Variants in MCTP1 observed in about 807,000 individuals in gnomAD.
MCTP1 encodes the protein multiple C2 and transmembrane domain containing 1, also known as multiple C2 and transmembrane domain-containing protein 1.
A neutral mutation model predicts 120.6 loss-of-function variants in MCTP1; 69 were observed. That is an observed-to-expected ratio of 0.57 (90% confidence interval 0.47 to 0.70). The LOEUF is 0.70. Among genes scored for constraint, MCTP1 ranks in the 30% least tolerant of loss-of-function variants. MCTP1 has a pLI of 0.00. For missense variants in MCTP1, 1,203 were observed against 1,248.8 expected (o/e 0.96, Z 0.55); for synonymous variants, 529 against 493.1 (o/e 1.07, Z -0.96).
rs376196774 is a variant in MCTP1 at position 95,030,933 on chromosome 5, G to C, written c.721-13449C>G. 1.5e-4 allele frequency among the ~76,000 whole-genome samples: 22 copies of C among 151,594 alleles called. 1 individual carries two copies. The East Asian group carries it at 2.3e-3, about 16-fold the overall frequency. ...CAAAGAAGCCAGAAAAACAATTCAG[G>C]ATATGAAAGACAAGATAGCTACATT... On this transcript the variant is annotated intron_variant, in intron 1 of 22. Transcript: ENST00000515393.
intron 5 of MCTP1, among the ~76,000 whole-genome samples, chr5:94,939,537 TAGC>T (rs778452271): frequency 2.8e-4 from 42 of 152,094 alleles, no homozygotes; most frequent in Admixed American, 5.9e-4. Flanking sequence ...CAGTTTCTCA[TAGC>T]AGCATGGTGT....
At position 94,703,975 on chromosome 5, in the gene MCTP1, A is replaced by G. The variant is rs1220477178; in HGVS notation, c.*3521T>C. 1 of 147,022 alleles carries G rather than the reference A, an allele frequency of 6.8e-6. No individual in the cohort carries two copies. Among genetic ancestry groups the G allele is most frequent in the African/African-American group, 2.5e-5 (1 of 39,820 alleles). 9.1% of individuals were successfully genotyped at this position (147,022 alleles called of 1,614,324 possible). On this transcript the variant is annotated 3_prime_UTR_variant, in exon 23 of 23. Transcript: ENST00000515393. ...AAAAGAAACTGAGGTACCAGAGGGT[A>G]ACATTTTCACCAAAAAAAAAAGAAA... is the stretch of plus-strand genomic sequence containing the variant.
At chr5:95,100,880 A>G (rs1177645422) in intron 1 of MCTP1, among the ~76,000 whole-genome samples, 3 of 152,216 alleles carry the variant, frequency 2.0e-5, no homozygotes, top group Admixed American at 6.5e-5. Flanking sequence ...AAACAAACTA[A>G]CAGTTTATCA....
At chr5:95,083,181 C>A (rs1243565068) in intron 1 of MCTP1, among the ~76,000 whole-genome samples, 7 of 151,930 alleles carry the variant, frequency 4.6e-5, no homozygotes, top group African/African-American at 1.5e-4. Flanking sequence ...TATGGTTTGG[C>A]AAATAATATA....
At chr5:95,207,492 C>T (rs1751758900) in intron 1 of MCTP1, among the ~76,000 whole-genome samples, 1 of 152,136 alleles carries the variant, frequency 6.6e-6, no homozygotes, top group African/African-American at 2.4e-5. Flanking sequence ...AATATCTCTG[C>T]TAAATCTGAT....
At chr5:95,120,786 G>A (rs945461388) in intron 1 of MCTP1, among the ~76,000 whole-genome samples, 5 of 152,148 alleles carry the variant, frequency 3.3e-5, no homozygotes, top group Non-Finnish European at 5.9e-5. Context: ...TGACAAGGAT[G>A]CTCATTTTCA....
At chr5:95,127,975 A>G (rs1758758607) in intron 1 of MCTP1, among the ~76,000 whole-genome samples, 1 of 152,194 alleles carries the variant, frequency 6.6e-6, no homozygotes, top group South Asian at 2.1e-4. Flanking sequence ...GCACCTTGTT[A>G]CAGAGGGCTT....
chr5:94,785,769 A>G (rs1777541751), intron 18 of MCTP1, among the ~76,000 whole-genome samples: 1 of 152,140 alleles, frequency 6.6e-6, no homozygotes. Flanking sequence ...AGTGTCTAAT[A>G]AAAGGTACAC....
intron 17 of MCTP1, among the ~76,000 whole-genome samples, chr5:94,866,711 A>G (rs1581106908): frequency 6.6e-6 from 1 of 151,820 alleles, no homozygotes; most frequent in Admixed American, 6.6e-5. Context: ...ATATCATGTA[A>G]ATGTACCTAA....
chr5:94,889,682 A>AT (rs1581204653), intron 11 of MCTP1, among the ~76,000 whole-genome samples: 2 of 152,096 alleles, frequency 1.3e-5, no homozygotes, highest in East Asian at 3.9e-4. Flanking sequence ...TTGATGCTGC[A>AT]TAAGGGGTTC....
intron 5 of MCTP1, among the ~76,000 whole-genome samples, chr5:94,934,743 T>TG (rs1240433172): frequency 3.3e-5 from 5 of 151,154 alleles, no homozygotes; most frequent in Middle Eastern, 3.4e-3. Context: ...AGAAGTTTTT[T>TG]TTTTTTTTTT....
At chr5:94,740,654 G>C (rs1765312106) in intron 19 of MCTP1, among the ~76,000 whole-genome samples, 1 of 152,168 alleles carries the variant, frequency 6.6e-6, no homozygotes, top group Non-Finnish European at 1.5e-5. Context: ...AAAGTACGTA[G>C]AGCTTCATTG....
chr5:95,187,661 A>C (rs1324464067), intron 1 of MCTP1, among the ~76,000 whole-genome samples: 1 of 152,104 alleles, frequency 6.6e-6, no homozygotes. Context: ...CAGTCTCCTA[A>C]AGTGCTGGGA....
At chr5:95,096,786 A>C (rs991630635) in intron 1 of MCTP1, among the ~76,000 whole-genome samples, 1 of 152,206 alleles carries the variant, frequency 6.6e-6, no homozygotes, top group Non-Finnish European at 1.5e-5. Flanking sequence ...TTAACTGAGA[A>C]GTTTTCTCAT....
At chr5:94,804,771 A>C (rs61327121) in intron 17 of MCTP1, among the ~76,000 whole-genome samples, 18,850 of 152,186 alleles carry the variant, frequency 0.12, 1,658 homozygotes, top group African/African-American at 0.24. Context: ...ATTTTAAGAA[A>C]ATTACACAGA....
intron 17 of MCTP1, among the ~76,000 whole-genome samples, chr5:94,822,827 A>C (rs1036921292): frequency 6.6e-6 from 1 of 152,016 alleles, no homozygotes; most frequent in African/African-American, 2.4e-5. Flanking sequence ...GCTTTTTTTC[A>C]TATGTTTGTT....
rs146108846 is a variant in MCTP1, at chr5:95,202,814, G to A, written c.720+81042C>T. ...GTAATCTCAGCTCACTGCAACCACC[G>A]CCTCCTGGGCTCAAGAGATTCTCCT... is the stretch of plus-strand genomic sequence containing the variant. On this transcript the variant is annotated intron_variant, in intron 1 of 22. Transcript: ENST00000515393. Among the ~76,000 whole-genome samples, 749 of 152,038 alleles carry A rather than the reference G, an allele frequency of 4.9e-3. 7 individuals carry two copies. Among genetic ancestry groups the A allele is most frequent in the African/African-American group, 0.016 (648 of 41,488 alleles).
intron 2 of MCTP1, among the ~76,000 whole-genome samples, chr5:94,991,167 T>C (rs574262156): frequency 6.6e-6 from 1 of 152,340 alleles, no homozygotes; most frequent in South Asian, 2.1e-4. Context: ...ATTCCTTATT[T>C]TCTTGTGAAA....
chr5:94,981,733 C>T lies in MCTP1; in HGVS notation c.839-28372G>A, dbSNP rs535603183. ...GACACATTTGAAAAGGGACTTGAAA[C>T]AATGAAGGAGGTTTCCAGGCAGAGA... On this transcript the variant is annotated intron_variant, in intron 2 of 22. Transcript: ENST00000515393. Among the ~76,000 whole-genome samples, 19 of 152,180 alleles carry T rather than the reference C, an allele frequency of 1.2e-4. No individual in the cohort carries two copies. In the East Asian group the frequency reaches 3.3e-3, roughly 26 times the overall value.
Sources: gnomAD v4.1 joint callset for allele counts (sites outside exome capture counted in the v4.1 genomes callset) on GRCh38, gnomAD v4.1.1 for gene constraint, MANE v1.5 for transcripts, NCBI Gene and HGNC (gene_info 2026-07-23, HGNC 2026-07-21) for gene names.